Variants in CLIC6 observed in about 807,000 individuals in gnomAD.
The protein encoded by CLIC6 is CLIC family member 6.
A neutral mutation model predicts 49.2 loss-of-function variants in CLIC6; 39 were observed. That is an observed-to-expected ratio of 0.79 (90% confidence interval 0.61 to 1.04). The LOEUF (loss-of-function observed/expected upper bound fraction) is 1.04, where lower values mean the gene tolerates loss of function less well. Ranked by LOEUF, CLIC6 falls within the 50% of genes least tolerant of loss-of-function variation. The probability of loss-of-function intolerance (pLI) is 0.00; values close to 1 mark genes in which losing one functional copy is unlikely to be tolerated. For synonymous variants in CLIC6, 446 were observed against 433.4 expected (o/e 1.03, Z -0.36); for missense variants, 988 against 993.1 (o/e 0.99, Z 0.07).
At chr21:34,683,105 C>T (rs1989813540) in intron 1 of CLIC6, among the ~76,000 whole-genome samples, 1 of 151,698 alleles carries the variant, frequency 6.6e-6, no homozygotes, top group African/African-American at 2.4e-5. Context: ...GCCACCGCGC[C>T]TGGCCCCCTT....
intron 5 of CLIC6, among the ~76,000 whole-genome samples, chr21:34,715,848 C>T (rs1291036254): frequency 3.3e-5 from 5 of 152,192 alleles, no homozygotes; most frequent in Admixed American, 6.5e-5. Context: ...AGCATGATGG[C>T]ATTCAGGAGG....
rs1214140786 is a variant in CLIC6 at position 34,708,747 on chromosome 21, A to C, written c.1658A>C (p.Asn553Thr). 6.2e-7 allele frequency: 1 copy of C among 1,614,214 alleles called. No homozygotes were observed. The highest frequency in any genetic ancestry group is 1.7e-5 in the Admixed American group (1 of 60,032). The change falls in exon 4 of 6, where the codon AAT becomes ACT. Residue 553 changes from asparagine to threonine, a missense_variant. Coordinates refer to ENST00000349499, the MANE Select transcript of CLIC6 (RefSeq NM_053277.3). The stretch of plus-strand genomic sequence containing the variant: ...CATCCCGAATCTAATTCCGCAGGAA[A>C]TGACGTGTTTGCCAAATTCTCAGCG... ...TQHPESNSAG[N>T]DVFAKFSAFI...
intron 1 of CLIC6, among the ~76,000 whole-genome samples, chr21:34,674,929 G>A (rs1364512934): frequency 1.4e-4 from 21 of 152,088 alleles, no homozygotes; most frequent in Admixed American, 1.2e-3. Context: ...TCTTGCTTAC[G>A]GCTTTGGTTC....
intron 5 of CLIC6, among the ~76,000 whole-genome samples, chr21:34,711,254 A>G (rs1369365830): frequency 6.6e-6 from 1 of 152,210 alleles, no homozygotes; most frequent in African/African-American, 2.4e-5. Context: ...GGTAGCGGCC[A>G]GGCGCAGTGG....
chr21:34,704,812 G>A (rs549291483), intron 1 of CLIC6, among the ~76,000 whole-genome samples: 22 of 152,288 alleles, frequency 1.4e-4, no homozygotes, highest in Admixed American at 1.2e-3. Flanking sequence ...CAATTTCAAG[G>A]GAAATCACTA....
intron 5 of CLIC6, among the ~76,000 whole-genome samples, chr21:34,714,010 A>G (rs1234510920): frequency 6.6e-6 from 1 of 152,238 alleles, no homozygotes. Context: ...TAACATCTAC[A>G]GAGAATTAAA....
intron 1 of CLIC6, among the ~76,000 whole-genome samples, chr21:34,679,745 G>A (rs1015046104): frequency 2.0e-5 from 3 of 152,206 alleles, no homozygotes; most frequent in African/African-American, 7.2e-5. Flanking sequence ...ATTCCACAGG[G>A]CAGTCATTAA....
intron 1 of CLIC6, among the ~76,000 whole-genome samples, chr21:34,689,884 A>C (rs886965546): frequency 1.3e-5 from 2 of 152,120 alleles, no homozygotes; most frequent in Non-Finnish European, 2.9e-5. Context: ...GATTCACCCC[A>C]ACACAGCGTG....
Position 34,683,295 on chromosome 21 carries a change from C to T in CLIC6, c.1374+12533C>T, listed in dbSNP as rs116771582. ...GTAAGATATATCGCTTTGATCTTTG[C>T]ATAATATCTACTGAAATTTATTTGA... On this transcript the variant is annotated intron_variant, in intron 1 of 5. Transcript: ENST00000349499. Among the ~76,000 whole-genome samples, 304 of 152,316 alleles carry T rather than the reference C, an allele frequency of 2.0e-3. 1 individual carries two copies. The highest frequency in any genetic ancestry group is 7.0e-3 in the African/African-American group (292 of 41,568).
chr21:34,714,325 T>A (rs764517357), intron 5 of CLIC6, among the ~76,000 whole-genome samples: 2 of 152,036 alleles, frequency 1.3e-5, no homozygotes, highest in Non-Finnish European at 2.9e-5. Flanking sequence ...ACAGAAGAAA[T>A]GGAAAGAAGC....
rs567207852 is a variant in CLIC6, at chr21:34,685,712, AG to A, written c.1374+14955del. On this transcript the variant is annotated intron_variant, in intron 1 of 5. Coordinates refer to ENST00000349499, the MANE Select transcript of CLIC6 (RefSeq NM_053277.3). ...AGAGCTATTAACACATCAGACATGG[AG>A]GGGGACATTTTTTTGTTAGCTGCCC... Among the ~76,000 whole-genome samples the A allele has an allele frequency of 2.0e-3, 306 of 152,356 alleles. 1 individual carries two copies. The highest frequency in any genetic ancestry group is 7.1e-3 in the African/African-American group (294 of 41,580).
chr21:34,708,960 C>T (rs2056036656), intron 4 of CLIC6, among the ~76,000 whole-genome samples, 154 bp downstream of exon 4: 1 of 152,240 alleles, frequency 6.6e-6, no homozygotes, highest in African/African-American at 2.4e-5. Flanking sequence ...TGAATCTGCA[C>T]GTGGGCTTCA....
chr21:34,677,090 G>A (rs2154443), intron 1 of CLIC6, among the ~76,000 whole-genome samples: 28,682 of 151,966 alleles, frequency 0.19, 2,881 homozygotes, highest in South Asian at 0.23. Context: ...GTCCATCTTC[G>A]GCTAAAATCC....
At position 34,676,231 on chromosome 21, in the gene CLIC6, C is replaced by T. The variant is rs140657839; in HGVS notation, c.1374+5469C>T. 2.3e-3 allele frequency among the ~76,000 whole-genome samples: 351 copies of T among 152,282 alleles called. 2 individuals carry two copies. The highest frequency in any genetic ancestry group is 8.0e-3 in the African/African-American group (333 of 41,558). On this transcript the variant is annotated intron_variant, in intron 1 of 5. Transcript: ENST00000349499. Reference sequence around the variant, plus strand: ...TGAATGTATTGTGTCCTTTCGGACACCTAGATAAAACCTAGAAGTGGAAGG... The same window carrying T: ...TGAATGTATTGTGTCCTTTCGGACATCTAGATAAAACCTAGAAGTGGAAGG...
intron 1 of CLIC6, chr21:34,705,949 C>A: frequency 1.7e-6 from 1 of 581,424 alleles, no homozygotes; most frequent in Non-Finnish European, 3.1e-6. Context: ...TCCTAGGCCC[C>A]ATGCAGCAGG....
Position 34,670,188 on chromosome 21 carries a change from G to A in CLIC6, c.800G>A (p.Gly267Glu), listed in dbSNP as rs1989521601. 1 of 886,392 alleles carries A rather than the reference G, an allele frequency of 1.1e-6. No homozygotes were observed. The highest frequency in any genetic ancestry group is 1.5e-6 in the Non-Finnish European group (1 of 667,270). 54.9% of individuals were successfully genotyped at this position (886,392 alleles called of 1,614,324 possible). Residue 267 changes from glycine (G) to glutamate (E), a missense_variant, in exon 1 of 6, where the codon GGG becomes GAG. By Grantham distance (98) the Gly-to-Glu change is moderately conservative. Coordinates refer to ENST00000349499, the MANE Select transcript of CLIC6 (RefSeq NM_053277.3). ...GGCGTAGAAGCGGGGGTCCCGGCGG[G>A]GGACAGCGTAGAAGCCGAAGGCCCG... The part of the protein sequence containing the change: ...GDGVEAGVPA[G>E]DSVEAEGPAG...
chr21:34,709,282 A>T, intron 4 of CLIC6, 75 bp from the exon 5 acceptor site: 1 of 1,364,136 alleles, frequency 7.3e-7, no homozygotes, highest in Non-Finnish European at 1.0e-6. Flanking sequence ...AAGGGAAGCA[A>T]ACTCCATCAC....
chr21:34,710,220 G>T (rs1425220569), intron 5 of CLIC6, among the ~76,000 whole-genome samples: 1 of 152,166 alleles, frequency 6.6e-6, no homozygotes, highest in Non-Finnish European at 1.5e-5. Flanking sequence ...TGAGGCTGCA[G>T]CAAGTTAAGG....
At chr21:34,672,832 T>C (rs967748997) in intron 1 of CLIC6, among the ~76,000 whole-genome samples, 2 of 152,216 alleles carry the variant, frequency 1.3e-5, no homozygotes. Context: ...ATGGGGACGG[T>C]AATAGTACCT....
Sources: allele counts gnomAD v4.1 joint callset (sites outside exome capture counted in the v4.1 genomes callset), GRCh38; gene constraint gnomAD v4.1.1; transcripts MANE v1.5; gene names NCBI Gene and HGNC (gene_info 2026-07-23, HGNC 2026-07-21).